The following ACAD11 variants were observed in gnomAD, a reference collection of about 807,000 sequenced individuals.
ACAD11 encodes the protein acyl-Coenzyme A dehydrogenase family, member 11.
In ACAD11, 83 loss-of-function variants were observed where a neutral mutation model predicts 102.2. The observed-to-expected ratio is 0.81, with a 90% CI of 0.68 to 0.97. The LOEUF (loss-of-function observed/expected upper bound fraction) is 0.97. Among genes scored for constraint, ACAD11 ranks in the 50% least tolerant of loss-of-function variants. ACAD11 has a pLI of 0.00. For synonymous variants in ACAD11, 324 were observed against 319.8 expected, an observed-to-expected ratio of 1.01 and a Z score of -0.14; for missense variants, 901 against 951.7, an observed-to-expected ratio of 0.95 and a Z score of 0.70.
intron 11 of ACAD11, among the ~76,000 whole-genome samples, chr3:132,608,874 T>G (rs1938981913): frequency 6.6e-6 from 1 of 152,096 alleles, no homozygotes; most frequent in Non-Finnish European, 1.5e-5. Flanking sequence ...ATTCTAAAAT[T>G]GACCACATAA....
chr3:132,644,955 A>C, intron 1 of ACAD11, 59 bp from the exon 2 acceptor site: 1 of 1,007,500 alleles, frequency 9.9e-7, no homozygotes, highest in Non-Finnish European at 1.5e-6. Context: ...CGTCATCCCC[A>C]AATCCTACTG....
At position 132,630,573 on chromosome 3, in the gene ACAD11, T is replaced by C. The variant is rs374977061; in HGVS notation, c.842-15A>G. 1.9e-6 allele frequency: 3 copies of C among 1,593,282 alleles called. No individual in the cohort carries two copies. The highest frequency in any genetic ancestry group is 2.6e-6 in the Non-Finnish European group (3 of 1,171,056). ...TGATGGTATCCCTATAAAAACAGCA[T>C]GTAATATAAACTTTAATTAAAATGT... On this transcript the variant is annotated splice_polypyrimidine_tract_variant and intron_variant, in intron 6 of 19. Transcript: ENST00000264990.
At chr3:132,588,841 A>G (rs1281915039) in intron 13 of ACAD11, among the ~76,000 whole-genome samples, 1 of 152,172 alleles carries the variant, frequency 6.6e-6, no homozygotes, top group East Asian at 1.9e-4. Flanking sequence ...CAAATTGTTT[A>G]TCATTGTTTA....
chr3:132,623,764 G>T (rs898529075), intron 9 of ACAD11, among the ~76,000 whole-genome samples: 1 of 152,126 alleles, frequency 6.6e-6, no homozygotes, highest in Admixed American at 6.5e-5. Context: ...AACCCAACCT[G>T]TGACACCTCT....
chr3:132,583,007 TTC>T (rs1388855305), intron 13 of ACAD11, among the ~76,000 whole-genome samples: 1 of 152,180 alleles, frequency 6.6e-6, no homozygotes, highest in Non-Finnish European at 1.5e-5. Context: ...TGGTCTAAAA[TTC>T]TGTTTTTTTG....
At position 132,578,967 on chromosome 3, in the gene ACAD11, G is replaced by C. The variant is rs752576227; in HGVS notation, c.1689-86C>G. The C allele has an allele frequency of 2.5e-6, 4 of 1,577,444 alleles. No homozygotes were observed. The Admixed American group carries it at 7.1e-5, about 28-fold the overall frequency. The stretch of plus-strand genomic sequence containing the variant: ...TAAGCAGAATCACAATTGTCTTTTT[G>C]ATGTTTTCATGTAGTCATGTAAGCA... On this transcript the variant is annotated intron_variant, in intron 14 of 19. Transcript: ENST00000264990.
intron 5 of ACAD11, among the ~76,000 whole-genome samples, chr3:132,632,271 G>C (rs573009236): frequency 1.4e-4 from 21 of 152,072 alleles, no homozygotes; most frequent in African/African-American, 4.3e-4. Flanking sequence ...ATTTTTACTA[G>C]AGACAGGGTT....
intron 6 of ACAD11, 34 bp from the exon 7 acceptor site, chr3:132,630,592 A>G (rs772773149): frequency 6.4e-7 from 1 of 1,569,198 alleles, no homozygotes; most frequent in Non-Finnish European, 8.6e-7. Context: ...AACTTTAATT[A>G]AAATGTCGTG....
Position 132,576,967 on chromosome 3 carries a change from A to C in ACAD11, c.1823T>G (p.Val608Gly). Residue 608 changes from valine (V) to glycine (G), a missense_variant, in exon 16 of 20, where the codon GTT becomes GGT. Transcript: ENST00000264990. ...HFEIHFNQVR[V>G]PATNLILGEG... ...ACCTAGTATTAGATTTGTGGCAGGA[A>C]CTCGCACTTGATTAAAATGGATCTC... is the stretch of plus-strand genomic sequence containing the variant. The C allele has an allele frequency of 6.2e-7, 1 of 1,610,922 alleles. No individual in the cohort carries two copies. The highest frequency in any genetic ancestry group is 8.5e-7 in the Non-Finnish European group (1 of 1,177,668).
intron 9 of ACAD11, among the ~76,000 whole-genome samples, chr3:132,625,247 T>A (rs774585444): frequency 6.6e-6 from 1 of 152,226 alleles, no homozygotes; most frequent in Non-Finnish European, 1.5e-5. Context: ...GTTAGATTAT[T>A]CTAGGGGCTA....
At chr3:132,647,138 G>A (rs935787849) in intron 1 of ACAD11, 1 of 152,148 alleles carries the variant, frequency 6.6e-6, no homozygotes, top group Non-Finnish European at 1.5e-5. Flanking sequence ...TCTCTTTTGA[G>A]GAAGTATCTA....
At chr3:132,599,273 C>T (rs1001729371) in intron 13 of ACAD11, among the ~76,000 whole-genome samples, 5 of 151,932 alleles carry the variant, frequency 3.3e-5, no homozygotes, top group Admixed American at 6.6e-5. Context: ...TTTGGGAGGC[C>T]GAGGCAGGTG....
intron 13 of ACAD11, among the ~76,000 whole-genome samples, chr3:132,579,842 A>C (rs1031276093): frequency 6.6e-6 from 1 of 152,178 alleles, no homozygotes; most frequent in African/African-American, 2.4e-5. Context: ...ACACCATTTC[A>C]GACATCAGCA....
chr3:132,564,949 C>T (rs1937168298), intron 17 of ACAD11, among the ~76,000 whole-genome samples: 2 of 152,042 alleles, frequency 1.3e-5, no homozygotes, highest in Admixed American at 1.3e-4. Context: ...TTCCCGGCAG[C>T]TGAAGAATCT....
chr3:132,590,146 T>G (rs1236837663), intron 13 of ACAD11, among the ~76,000 whole-genome samples: 2 of 152,250 alleles, frequency 1.3e-5, no homozygotes, highest in African/African-American at 4.8e-5. Context: ...TGAGTAGTGC[T>G]GCAATGAACA....
At chr3:132,579,614 T>C in intron 13 of ACAD11, 56 bp from the exon 14 acceptor site, 2 of 1,452,124 alleles carry the variant, frequency 1.4e-6, no homozygotes, top group South Asian at 2.3e-5. Context: ...GTTTGACATT[T>C]CACCTTGAAG....
chr3:132,623,817 A>G (rs62291502), intron 9 of ACAD11, among the ~76,000 whole-genome samples: 4,829 of 152,228 alleles, frequency 0.032, 140 homozygotes, highest in East Asian at 0.11. Context: ...ACATTTACCA[A>G]TGAAAGAACA....
At chr3:132,599,620 G>A (rs1310594242) in intron 13 of ACAD11, among the ~76,000 whole-genome samples, 5 of 150,456 alleles carry the variant, frequency 3.3e-5, no homozygotes, top group South Asian at 2.1e-4. Context: ...AAGAGGAGAA[G>A]ACAGATTCAA....
chr3:132,622,892 C>T (rs1287899426), intron 9 of ACAD11, among the ~76,000 whole-genome samples: 1 of 152,150 alleles, frequency 6.6e-6, no homozygotes, highest in South Asian at 2.1e-4. Flanking sequence ...CTGAAGTCTA[C>T]TAGAAAGAAG....
Sources: gnomAD v4.1 joint callset for allele counts (sites outside exome capture counted in the v4.1 genomes callset) on GRCh38, gnomAD v4.1.1 for gene constraint, MANE v1.5 for transcripts, NCBI Gene and HGNC (gene_info 2026-07-23, HGNC 2026-07-21) for gene names.